SLC24A2: variants seen among roughly 807,000 people sequenced by gnomAD.
The protein encoded by SLC24A2 is sodium/potassium/calcium exchanger 2.
SLC24A2 carries 36 observed loss-of-function variants against 62.0 expected under a neutral mutation model. The observed-to-expected ratio is 0.58, with a 90% confidence interval of 0.44 to 0.77. The LOEUF is 0.77. Ranked by LOEUF, SLC24A2 falls within the 30% of genes least tolerant of loss-of-function variation. The pLI, the probability that SLC24A2 is intolerant of heterozygous loss-of-function variation, is 0.00. For missense variants in SLC24A2, 846 were observed against 817.9 expected, an observed-to-expected ratio of 1.03 and a Z score of -0.42; for synonymous variants, 358 against 294.0, an observed-to-expected ratio of 1.22 and a Z score of -2.23.
chr9:19,949,699 C>G, the SLC24A2 span, among the ~76,000 whole-genome samples: 1 of 152,218 alleles, frequency 6.6e-6, no homozygotes, highest in African/African-American at 2.4e-5. Context: ...GCTGCTTGCT[C>G]TTCACTTTCT....
the SLC24A2 span, among the ~76,000 whole-genome samples, chr9:19,937,405 C>G: frequency 6.6e-6 from 1 of 152,204 alleles, no homozygotes; most frequent in Non-Finnish European, 1.5e-5. Flanking sequence ...GCTGGTGTCA[C>G]ACTCAAGTGC....
At chr9:20,298,204 G>A in the SLC24A2 span, among the ~76,000 whole-genome samples, 1 of 152,282 alleles carries the variant, frequency 6.6e-6, no homozygotes, top group East Asian at 1.9e-4. Flanking sequence ...TGAGTGTGAG[G>A]AAATTGAGGT....
At chr9:19,718,781 A>T (rs768514845) in intron 2 of SLC24A2, among the ~76,000 whole-genome samples, 1 of 152,118 alleles carries the variant, frequency 6.6e-6, no homozygotes, top group African/African-American at 2.4e-5. Flanking sequence ...GCTTTCTTTT[A>T]GTTCATTGAA....
chr9:20,201,495 A>C, the SLC24A2 span, among the ~76,000 whole-genome samples: 1 of 152,184 alleles, frequency 6.6e-6, no homozygotes, highest in African/African-American at 2.4e-5. Flanking sequence ...ACAATTTGAG[A>C]TAGAGAAGGG....
the SLC24A2 span, among the ~76,000 whole-genome samples, chr9:20,052,694 G>C: frequency 6.6e-6 from 1 of 152,146 alleles, no homozygotes; most frequent in African/African-American, 2.4e-5. Context: ...CCTGACTGCT[G>C]TTTCCTGGGA....
chr9:19,588,619 C>T (rs1180282946), intron 5 of SLC24A2, among the ~76,000 whole-genome samples: 1 of 152,122 alleles, frequency 6.6e-6, no homozygotes, highest in Non-Finnish European at 1.5e-5. Flanking sequence ...GGCTTATGTG[C>T]TTTGTAATGA....
chr9:19,775,664 T>C (rs1822825096), intron 2 of SLC24A2, among the ~76,000 whole-genome samples: 1 of 152,190 alleles, frequency 6.6e-6, no homozygotes. Flanking sequence ...AATAAATTAA[T>C]TACTAAAAGG....
the SLC24A2 span, among the ~76,000 whole-genome samples, chr9:20,263,474 C>G: frequency 2.0e-3 from 297 of 152,146 alleles, 4 homozygotes; most frequent in East Asian, 3.7e-3. Context: ...GTCTCAAACT[C>G]CTGGAATCAA....
the SLC24A2 span, among the ~76,000 whole-genome samples, chr9:19,912,680 A>G: frequency 5.9e-5 from 9 of 152,174 alleles, no homozygotes; most frequent in Non-Finnish European, 1.3e-4. Context: ...AAATGTTCAC[A>G]AAGACAAAAC....
chr9:20,054,899 G>C, the SLC24A2 span, among the ~76,000 whole-genome samples: 1 of 152,276 alleles, frequency 6.6e-6, no homozygotes, highest in East Asian at 1.9e-4. Flanking sequence ...CATTAACTTA[G>C]TAATGATGCT....
intron 6 of SLC24A2, among the ~76,000 whole-genome samples, chr9:19,575,336 G>A (rs1052054502): frequency 1.3e-5 from 2 of 152,170 alleles, no homozygotes; most frequent in African/African-American, 4.8e-5. Flanking sequence ...ATTGGCTGAT[G>A]TGATAAAACC....
At chr9:19,820,992 T>C in the SLC24A2 span, among the ~76,000 whole-genome samples, 1 of 152,088 alleles carries the variant, frequency 6.6e-6, no homozygotes, top group Non-Finnish European at 1.5e-5. Flanking sequence ...GTTATATTTT[T>C]GAAAAAATAC....
chr9:19,734,318 G>C (rs1012018623), intron 2 of SLC24A2, among the ~76,000 whole-genome samples: 2 of 152,124 alleles, frequency 1.3e-5, no homozygotes. Context: ...GTCAGGTAGC[G>C]TGATGCCTCC....
the SLC24A2 span, among the ~76,000 whole-genome samples, chr9:20,218,257 G>C: frequency 6.6e-6 from 1 of 152,194 alleles, no homozygotes; most frequent in Non-Finnish European, 1.5e-5. Context: ...CATGGGTTCT[G>C]TCCCTCACAT....
At chr9:19,939,333 T>G in the SLC24A2 span, among the ~76,000 whole-genome samples, 2 of 152,246 alleles carry the variant, frequency 1.3e-5, no homozygotes, top group Non-Finnish European at 2.9e-5. Flanking sequence ...CTAGGCTATA[T>G]GGTATATAGC....
chr9:19,866,795 C>G, the SLC24A2 span, among the ~76,000 whole-genome samples: 491 of 152,026 alleles, frequency 3.2e-3, 3 homozygotes, highest in South Asian at 0.022. Flanking sequence ...CGCCACCACG[C>G]CTTGCTAATT....
the SLC24A2 span, among the ~76,000 whole-genome samples, chr9:19,862,808 G>T: frequency 6.6e-6 from 1 of 151,542 alleles, no homozygotes; most frequent in Non-Finnish European, 1.5e-5. Flanking sequence ...CAAGCCTCAT[G>T]GTAATTTACC....
intron 2 of SLC24A2, among the ~76,000 whole-genome samples, chr9:19,776,716 G>A (rs539675106): frequency 1.5e-3 from 231 of 152,314 alleles, no homozygotes; most frequent in African/African-American, 4.7e-3. Context: ...CTACATGTAA[G>A]TCAGTTAAGA....
chr9:20,106,277 G>A, the SLC24A2 span, among the ~76,000 whole-genome samples: 27 of 152,250 alleles, frequency 1.8e-4, no homozygotes, highest in Middle Eastern at 3.4e-3. Flanking sequence ...GTACAAGGAG[G>A]AGCCAGTACC....
Sources: allele counts gnomAD v4.1 joint callset (sites outside exome capture counted in the v4.1 genomes callset), GRCh38; gene constraint gnomAD v4.1.1; transcripts MANE v1.5; gene names NCBI Gene and HGNC (gene_info 2026-07-23, HGNC 2026-07-21).